The following S1PR3 variants were observed in gnomAD, a reference collection of about 807,000 sequenced individuals.
S1PR3 encodes sphingosine 1-phosphate receptor 3.
S1PR3 carries 12 observed loss-of-function variants against 13.3 expected under a neutral mutation model. The observed-to-expected ratio is 0.90, with a 90% CI of 0.58 to 1.46. The LOEUF (loss-of-function observed/expected upper bound fraction) is 1.46. S1PR3 is among the 40% of genes most tolerant of loss of function. The pLI, the probability that S1PR3 is intolerant of heterozygous loss-of-function variation, is 0.00. For synonymous variants in S1PR3, 232 were observed against 214.0 expected (o/e 1.08, Z -0.73); for missense variants, 450 against 501.9 (o/e 0.90, Z 0.99).
intron 1 of S1PR3, chr9:88,994,041 C>T (rs1564058828): frequency 6.0e-6 from 1 of 167,130 alleles, no homozygotes; most frequent in Non-Finnish European, 1.5e-5. Flanking sequence ...TGCTAACATT[C>T]TGCTGGCATG....
chr9:89,003,691 T>G lies in S1PR3; in HGVS notation c.*1354T>G, dbSNP rs1249957844. On this transcript the variant is annotated 3_prime_UTR_variant, in exon 2 of 2. Coordinates refer to ENST00000358157, the MANE Select transcript of S1PR3 (RefSeq NM_005226.4). Reference sequence around the variant, plus strand: ...ATAAGCACACAGTTGCTGTGTTGAGTTCTCTTTAAAAACAAGGACAAAACC... The same window carrying G: ...ATAAGCACACAGTTGCTGTGTTGAGGTCTCTTTAAAAACAAGGACAAAACC... The G allele has an allele frequency of 1.8e-5, 3 of 166,932 alleles. No homozygotes were observed. Among genetic ancestry groups the G allele is most frequent in the East Asian group, 3.8e-4 (2 of 5,204 alleles). The allele number at this position is 166,932 out of a possible 1,614,324, so 10.3% of individuals were successfully genotyped here. A position where few individuals can be genotyped will look rare whatever the true frequency, so the allele number is the denominator to read the frequency against.
intron 1 of S1PR3, chr9:88,992,127 A>C: frequency 2.5e-6 from 3 of 1,206,470 alleles, no homozygotes; most frequent in Non-Finnish European, 1.2e-6. Flanking sequence ...CAAACAAGGC[A>C]ATTAGGGCCG....
chr9:89,004,500 CT>C lies in S1PR3; in HGVS notation c.*2166del, dbSNP rs1247295588. 1 of 167,082 alleles carries C rather than the reference CT, an allele frequency of 6.0e-6. No individual in the cohort carries two copies. The highest frequency in any genetic ancestry group is 1.5e-5 in the Non-Finnish European group (1 of 68,114). The allele number at this position is 167,082 out of a possible 1,614,324, so 10.3% of individuals were successfully genotyped here. ...CATAGGTGATGAAATGACTTTGGAA[CT>C]TTATCTGTGTTATAGTTATGAGTTG... On this transcript the variant is annotated 3_prime_UTR_variant, in exon 2 of 2. Transcript: ENST00000358157.
At chr9:88,993,747 C>T (rs1435443299) in intron 1 of S1PR3, 1 of 152,200 alleles carries the variant, frequency 6.6e-6, no homozygotes, top group Admixed American at 6.5e-5. Context: ...AGCTACTGGG[C>T]ATAAAGTCTC....
chr9:88,992,050 G>A, intron 1 of S1PR3: 1 of 1,593,288 alleles, frequency 6.3e-7, no homozygotes, highest in Non-Finnish European at 8.6e-7. Context: ...GGTTGTGGTC[G>A]TTAGCCTGGG....
In S1PR3 at chr9:89,001,742, A is replaced by G; in HGVS notation, c.542A>G (p.Asn181Ser). The change falls in exon 2 of 2, where the codon AAT becomes AGT. Residue 181 changes from asparagine to serine, a missense_variant. Transcript: ENST00000358157. ...ATTCTGGGCTGGAACTGCCTGCACA[A>G]TCTCCCTGACTGCTCTACCATCCTG... ...LPILGWNCLH[N>S]LPDCSTILPL... 6.2e-7 allele frequency: 1 copy of G among 1,614,172 alleles called. No individual in the cohort carries two copies.
upstream of S1PR3, chr9:88,991,421 C>A: frequency 6.5e-7 from 1 of 1,530,020 alleles, no homozygotes. The surrounding 1 kb of genome is among the most constrained non-coding windows in gnomAD (Gnocchi z 4.0). Flanking sequence ...GCGCGGGTCC[C>A]GCCCCGGCGG....
At chr9:88,991,022 G>C (rs140930200), upstream of S1PR3, 4,524 of 1,613,514 alleles carry the variant, frequency 2.8e-3, 5 homozygotes, top group Non-Finnish European at 3.5e-3. This position sits in a 1 kb window ranked among gnomAD's most constrained non-coding sequence, Gnocchi z 4.0. Context: ...CAACGATAAT[G>C]ATAGTATTAA....
rs138547551 is a variant in S1PR3, at chr9:89,001,440, C to T, written c.240C>T (p.Asn80=). 222 of 1,614,196 alleles carry T rather than the reference C, an allele frequency of 1.4e-4. No individual in the cohort carries two copies. The highest frequency in any genetic ancestry group is 5.2e-4 in the African/African-American group (39 of 75,048). ...ACCGCATGTACTTTTTCATTGGCAA[C>T]CTGGCTCTCTGCGACCTGCTGGCCG... ...FHNRMYFFIG[N]LALCDLLAGI... is the part of the protein sequence containing the mutation. The change falls in exon 2 of 2, where the codon AAC becomes AAT. Residue 80 remains asparagine, a synonymous_variant. Transcript: ENST00000358157.
upstream of S1PR3, chr9:88,991,176 G>A: frequency 6.2e-7 from 1 of 1,604,148 alleles, no homozygotes; most frequent in South Asian, 1.1e-5. This position sits in a 1 kb window ranked among gnomAD's most constrained non-coding sequence, Gnocchi z 4.0. Context: ...CTCGCCCGAT[G>A]AGGACAAGGT....
chr9:89,000,337 C>T (rs1587666875), intron 1 of S1PR3: 1 of 152,132 alleles, frequency 6.6e-6, no homozygotes, highest in East Asian at 1.9e-4. Context: ...TCACTGCTTT[C>T]CTGTCCTTCC....
At chr9:89,000,973 C>T (rs889944019) in intron 1 of S1PR3, 81 bp from the exon 2 acceptor site, 5 of 567,790 alleles carry the variant, frequency 8.8e-6, no homozygotes, top group Admixed American at 6.2e-5. Context: ...TTTTTCATGC[C>T]TTTCTCCAAC....
chr9:88,996,141 A>C (rs1338082147), intron 1 of S1PR3: 1 of 157,136 alleles, frequency 6.4e-6, no homozygotes, highest in African/African-American at 2.4e-5. Flanking sequence ...AGTGAACACT[A>C]ATACTGCATC....
In S1PR3 at chr9:88,991,614, C is replaced by G; in HGVS notation, c.-229C>G. ...CGGGCCTCCCAGCCCATCTGGCATT[C>G]GAGCGCAGGACCGGGCGCCCCGGCA... On this transcript the variant is annotated 5_prime_UTR_variant, in exon 1 of 2. Coordinates refer to ENST00000358157, the MANE Select transcript of S1PR3 (RefSeq NM_005226.4). This position sits in a 1 kb window ranked among gnomAD's most constrained non-coding sequence, Gnocchi z 4.0. The G allele has an allele frequency of 6.5e-7, 1 of 1,541,352 alleles. No individual in the cohort carries two copies. The highest frequency in any genetic ancestry group is 1.2e-5 in the South Asian group (1 of 83,560).
Position 89,001,646 on chromosome 9 carries a change from A to G in S1PR3, c.446A>G (p.Asn149Ser). ...ATCAAAATGAGGCCTTACGACGCCA[A>G]CAAGAGGCACCGCGTCTTCCTCCTG... ...TMIKMRPYDA[N>S]KRHRVFLLIG... Residue 149 changes from asparagine to serine, a missense_variant, in exon 2 of 2, where the codon AAC becomes AGC. Asn to Ser is a conservative substitution (Grantham distance 46). Coordinates refer to ENST00000358157, the MANE Select transcript of S1PR3 (RefSeq NM_005226.4). 6.2e-7 allele frequency: 1 copy of G among 1,614,220 alleles called. No individual in the cohort carries two copies.
Position 89,001,105 on chromosome 9 carries a change from T to A in S1PR3, c.-96T>A, listed in dbSNP as rs1308004959. On this transcript the variant is annotated 5_prime_UTR_variant, in exon 2 of 2. An upstream start codon of the reference 5' UTR is lost. Transcript: ENST00000358157. Reference sequence around the variant, plus strand: ...AGTCTGGCCTGCACGCCTTGCTGAATGAAGCCGGAACCTCAGCCCCGCTTC... The same window carrying A: ...AGTCTGGCCTGCACGCCTTGCTGAAAGAAGCCGGAACCTCAGCCCCGCTTC... 2.1e-6 allele frequency: 3 copies of A among 1,434,460 alleles called. No individual in the cohort carries two copies. Among genetic ancestry groups the A allele is most frequent in the African/African-American group, 1.4e-5 (1 of 70,742 alleles). 88.9% of individuals were successfully genotyped at this position (1,434,460 alleles called of 1,614,324 possible).
At position 89,001,941 on chromosome 9, in the gene S1PR3, T is replaced by C. The variant is rs1825872690; in HGVS notation, c.741T>C (p.Ile247=). ...RSMALLRTVV[I]VVSVFIACWS... is the part of the protein sequence containing the mutation. The stretch of plus-strand genomic sequence containing the variant: ...TGGCACTGCTGCGGACCGTGGTGAT[T>C]GTGGTGAGCGTGTTCATCGCCTGCT... The change falls in exon 2 of 2, where the codon ATT becomes ATC. Residue 247 remains isoleucine, a synonymous_variant. Transcript: ENST00000358157. 2 of 1,614,160 alleles carry C rather than the reference T, an allele frequency of 1.2e-6. No homozygotes were observed. Among genetic ancestry groups the C allele is most frequent in the Middle Eastern group, 1.6e-4 (1 of 6,062 alleles).
chr9:88,995,715 T>A (rs1258196831), intron 1 of S1PR3: 1 of 167,036 alleles, frequency 6.0e-6, no homozygotes, highest in Non-Finnish European at 1.5e-5. Context: ...TCAGTAAACA[T>A]GAAAAGACTG....
chr9:88,996,321 C>T (rs1034972544), intron 1 of S1PR3, among the ~76,000 whole-genome samples: 1 of 152,094 alleles, frequency 6.6e-6, no homozygotes, highest in Non-Finnish European at 1.5e-5. Flanking sequence ...GACATGTGTT[C>T]GCCAAGAGAA....
Sources: gnomAD v4.1 joint callset for allele counts (sites outside exome capture counted in the v4.1 genomes callset) on GRCh38, gnomAD v4.1.1 for gene constraint, Gnocchi (gnomAD v3.1) non-coding constraint, MANE v1.5 for transcripts, NCBI Gene and HGNC (gene_info 2026-07-23, HGNC 2026-07-21) for gene names.